The following HSD17B3 variants were observed in gnomAD, a reference collection of about 807,000 sequenced individuals.
HSD17B3 encodes the protein hydroxysteroid 17-beta dehydrogenase 3.
Under a neutral mutation model 41.1 loss-of-function variants are expected in HSD17B3, and 29 were observed. That is an observed-to-expected ratio of 0.71 (90% CI 0.53 to 0.96). The LOEUF (loss-of-function observed/expected upper bound fraction) is 0.96, where lower values mean the gene tolerates loss of function less well. HSD17B3 is among the 40% of genes least tolerant of loss of function. HSD17B3 has a pLI of 0.00. For missense variants in HSD17B3, 323 were observed against 374.6 expected (o/e 0.86, Z 1.14); for synonymous variants, 126 against 145.6 (o/e 0.87, Z 0.97).
chr9:96,295,016 T>C (rs1827294517), intron 2 of HSD17B3, among the ~76,000 whole-genome samples: 1 of 145,918 alleles, frequency 6.9e-6, no homozygotes, highest in Admixed American at 6.8e-5. Flanking sequence ...TTTTTTTTTT[T>C]TTTTTTTTTG....
intron 10 of HSD17B3, chr9:96,239,446 TAA>T (rs906185536): frequency 2.0e-5 from 3 of 152,164 alleles, no homozygotes; most frequent in Non-Finnish European, 4.4e-5. Context: ...ACAGAAAAAA[TAA>T]AGACTTTATA....
intron 2 of HSD17B3, among the ~76,000 whole-genome samples, chr9:96,258,614 T>G (rs987315619): frequency 6.6e-6 from 1 of 152,236 alleles, no homozygotes; most frequent in African/African-American, 2.4e-5. Context: ...CCATTTATTA[T>G]TCTCTTTCAA....
intron 2 of HSD17B3, among the ~76,000 whole-genome samples, chr9:96,272,449 A>T (rs1393802713): frequency 3.3e-4 from 33 of 98,744 alleles, no homozygotes; most frequent in African/African-American, 8.2e-4. Flanking sequence ...ATATATATAA[A>T]ATATATATGA....
intron 7 of HSD17B3, 51 bp downstream of exon 7, chr9:96,246,505 G>A (rs560206212): frequency 1.4e-5 from 22 of 1,569,490 alleles, no homozygotes; most frequent in East Asian, 1.1e-4. Context: ...TTAGCTGACC[G>A]CCAGGGCAGG....
chr9:96,256,727 G>A (rs1430691089), intron 2 of HSD17B3, among the ~76,000 whole-genome samples: 3 of 151,466 alleles, frequency 2.0e-5, no homozygotes, highest in Non-Finnish European at 2.9e-5. Context: ...ATGAATTGTG[G>A]TCTATAATAT....
At chr9:96,239,184 AG>A (rs1203254091) in intron 10 of HSD17B3, 1 of 152,678 alleles carries the variant, frequency 6.5e-6, no homozygotes, top group Non-Finnish European at 1.5e-5. Context: ...ACAGCCACCC[AG>A]GACACCAGCC....
chr9:96,287,216 C>T (rs1053186416), intron 2 of HSD17B3, among the ~76,000 whole-genome samples: 16 of 152,314 alleles, frequency 1.1e-4, no homozygotes, highest in African/African-American at 3.6e-4. Context: ...CCAGTGTTCC[C>T]CACTGGCCAA....
At chr9:96,289,095 C>A (rs1404369537) in intron 2 of HSD17B3, among the ~76,000 whole-genome samples, 3 of 145,160 alleles carry the variant, frequency 2.1e-5, no homozygotes, top group African/African-American at 2.5e-5. Context: ...GATGACAGAG[C>A]AAGACCCTAT....
chr9:96,255,547 G>A (rs1244873862), intron 2 of HSD17B3, among the ~76,000 whole-genome samples: 3 of 151,688 alleles, frequency 2.0e-5, no homozygotes, highest in African/African-American at 7.3e-5. Flanking sequence ...GCGCCGCCAA[G>A]CCCGGCTAAT....
intron 2 of HSD17B3, among the ~76,000 whole-genome samples, chr9:96,262,670 T>C (rs975095870): frequency 1.3e-5 from 2 of 152,216 alleles, no homozygotes; most frequent in African/African-American, 4.8e-5. Context: ...ATTAGGTTGG[T>C]GCAAAAGCAA....
chr9:96,291,260 C>T (rs916258391), intron 2 of HSD17B3, among the ~76,000 whole-genome samples: 3 of 152,044 alleles, frequency 2.0e-5, no homozygotes, highest in Non-Finnish European at 4.4e-5. Flanking sequence ...CAAGTGTCAT[C>T]GGAGGCCTTG....
chr9:96,294,221 C>T (rs780962530), intron 2 of HSD17B3, among the ~76,000 whole-genome samples: 2 of 151,740 alleles, frequency 1.3e-5, no homozygotes, highest in African/African-American at 4.8e-5. Flanking sequence ...TTGAGAACAG[C>T]CTGGCAACAA....
chr9:96,256,256 G>A (rs1273294519), intron 2 of HSD17B3: 1 of 151,978 alleles, frequency 6.6e-6, no homozygotes, highest in Non-Finnish European at 1.5e-5. Context: ...GTCATCCTTG[G>A]GAACTCATGC....
chr9:96,302,032 C>T lies in HSD17B3; in HGVS notation c.73G>A (p.Val25Met), dbSNP rs114520006. ...LVCLACLAKC[V>M]RFSRCVLLNY... The stretch of plus-strand genomic sequence containing the variant: ...AGTAAAACACATCTGGAGAATCTCA[C>T]GCACTTCGCCAGGCAGGCCAGGCAC... Residue 25 changes from valine (V) to methionine (M), a missense_variant, in exon 1 of 11, where the codon GTG becomes ATG. Physicochemically the swap from Val to Met is conservative, Grantham distance 21 (BLOSUM62 1). Transcript: ENST00000375263. 68 of 1,614,144 alleles carry T rather than the reference C, an allele frequency of 4.2e-5. No homozygotes were observed. In the East Asian group the frequency reaches 7.6e-4, roughly 18 times the overall value.
intron 2 of HSD17B3, among the ~76,000 whole-genome samples, chr9:96,257,622 G>A (rs959084099): frequency 2.6e-5 from 4 of 152,022 alleles, no homozygotes; most frequent in Non-Finnish European, 2.9e-5. Flanking sequence ...AGCAGTCCAC[G>A]AAGAACCACT....
chr9:96,291,614 T>C (rs997944603), intron 2 of HSD17B3, among the ~76,000 whole-genome samples: 3 of 152,090 alleles, frequency 2.0e-5, no homozygotes, highest in Admixed American at 2.0e-4. Context: ...GATGCCAACA[T>C]AGAGATGACA....
chr9:96,271,927 A>C (rs979206430), intron 2 of HSD17B3, among the ~76,000 whole-genome samples: 26 of 152,200 alleles, frequency 1.7e-4, no homozygotes, highest in African/African-American at 6.0e-4. Context: ...AGGGTTAGGA[A>C]GAGGCCTTTA....
At chr9:96,291,673 T>G (rs1827164276) in intron 2 of HSD17B3, among the ~76,000 whole-genome samples, 1 of 152,196 alleles carries the variant, frequency 6.6e-6, no homozygotes, top group Non-Finnish European at 1.5e-5. Context: ...AATGCTTCAG[T>G]AGGCTGGGTG....
intron 2 of HSD17B3, among the ~76,000 whole-genome samples, chr9:96,287,864 A>G (rs1826985596): frequency 7.5e-6 from 1 of 134,202 alleles, no homozygotes; most frequent in African/African-American, 3.1e-5. Context: ...ATTATTCATA[A>G]TAGCCAAAAA....
Sources: gnomAD v4.1 joint callset for allele counts (sites outside exome capture counted in the v4.1 genomes callset) on GRCh38, gnomAD v4.1.1 for gene constraint, MANE v1.5 for transcripts, NCBI Gene and HGNC (gene_info 2026-07-23, HGNC 2026-07-21) for gene names.